MATN2: variants seen among roughly 807,000 people sequenced by gnomAD.
MATN2 encodes the protein matrilin-2.
In MATN2, 69 loss-of-function variants were observed where a neutral mutation model predicts 103.2. That is an observed-to-expected ratio of 0.67 (90% CI 0.55 to 0.82). MATN2 has a LOEUF of 0.82. Among genes scored for constraint, MATN2 ranks in the 40% least tolerant of loss-of-function variants. MATN2 has a pLI of 0.00. For missense variants in MATN2, 1,023 were observed against 1,211.5 expected (o/e 0.84, Z 2.31); for synonymous variants, 429 against 450.2 (o/e 0.95, Z 0.60).
rs1818503617 is a variant in MATN2, at chr8:97,888,112, G to A, written c.12G>A (p.Met4Ile). Residue 4 changes from methionine (M) to isoleucine (I), a missense_variant, in exon 2 of 19, where the codon ATG becomes ATA. Physicochemically the swap from Met to Ile is conservative, Grantham distance 10 (BLOSUM62 1). Transcript: ENST00000254898. MEKMLAGCFLLILG... is the reference protein window; with the variant it reads MEKILAGCFLLILG... ...TGCTCGCCTTGAAAATGGAAAAGAT[G>A]CTCGCAGGCTGCTTTCTGCTGATCC... The A allele has an allele frequency of 6.2e-7, 1 of 1,607,842 alleles. No individual in the cohort carries two copies. Among genetic ancestry groups the A allele is most frequent in the South Asian group, 1.1e-5 (1 of 89,906 alleles).
chr8:97,894,323 CTTTTT>C (rs58988866), intron 2 of MATN2, among the ~76,000 whole-genome samples: 2 of 59,236 alleles, frequency 3.4e-5, no homozygotes, highest in Admixed American at 2.3e-4. Context: ...AAGAATTCAC[CTTTTT>C]TTTTTTTTTT....
chr8:97,995,758 T>C (rs1399660858), intron 7 of MATN2, among the ~76,000 whole-genome samples: 2 of 152,252 alleles, frequency 1.3e-5, no homozygotes, highest in Non-Finnish European at 2.9e-5. Flanking sequence ...AGTGCTAAAC[T>C]GTGTATAGTG....
chr8:98,033,518 C>A, intron 17 of MATN2, 43 bp from the exon 18 acceptor site: 1 of 1,042,762 alleles, frequency 9.6e-7, no homozygotes, highest in South Asian at 1.6e-5. Flanking sequence ...TCTGGGAAGT[C>A]TGGTGGATTC....
chr8:98,025,821 C>A, intron 13 of MATN2: 2 of 386,954 alleles, frequency 5.2e-6, no homozygotes, highest in Admixed American at 3.5e-5. Context: ...AACAAAAAGC[C>A]TCTCCACACC....
chr8:97,984,594 A>G (rs1812132705), intron 6 of MATN2, among the ~76,000 whole-genome samples: 1 of 152,228 alleles, frequency 6.6e-6, no homozygotes, highest in Non-Finnish European at 1.5e-5. Context: ...TGCTGGGAAG[A>G]AGCCTTATGG....
intron 10 of MATN2, among the ~76,000 whole-genome samples, chr8:98,014,747 T>C (rs186067406): frequency 7.9e-5 from 12 of 152,312 alleles, no homozygotes; most frequent in Admixed American, 7.8e-4. Context: ...TGAGTGAGAA[T>C]AACAACAGCT....
chr8:97,874,625 G>A (rs1818005536), intron 1 of MATN2, among the ~76,000 whole-genome samples: 4 of 151,464 alleles, frequency 2.6e-5, no homozygotes, highest in East Asian at 1.9e-4. Flanking sequence ...TATCTTGCCC[G>A]GCTGATCTTC....
At chr8:98,025,747 A>G (rs1345397802) in intron 13 of MATN2, 2 of 445,036 alleles carry the variant, frequency 4.5e-6, no homozygotes, top group South Asian at 1.6e-5. Context: ...CTCTGTCTCA[A>G]AAAAGAAGAA....
Position 98,033,661 on chromosome 8 carries a change from T to C in MATN2, c.2815+2T>C, listed in dbSNP as rs1302897211. On this transcript the variant is annotated splice_donor_variant, in intron 18 of 18. Transcript: ENST00000254898. LOFTEE classifies it high-confidence loss of function. Reference sequence around the variant, plus strand: ...AAGTAAGAAAATTAACACAGCGCTATATCCTTTTCTTGCATTATGCTTCTG... The same window carrying C: ...AAGTAAGAAAATTAACACAGCGCTACATCCTTTTCTTGCATTATGCTTCTG... The C allele has an allele frequency of 1.3e-6, 2 of 1,494,270 alleles. No homozygotes were observed. Among genetic ancestry groups the C allele is most frequent in the Admixed American group, 3.5e-5 (2 of 57,178 alleles). 92.6% of individuals were successfully genotyped at this position (1,494,270 alleles called of 1,614,324 possible).
chr8:97,954,053 A>C (rs1811057690), intron 4 of MATN2, among the ~76,000 whole-genome samples: 1 of 152,198 alleles, frequency 6.6e-6, no homozygotes, highest in Non-Finnish European at 1.5e-5. Flanking sequence ...CCCTACAAAT[A>C]AGATATTTAA....
In MATN2 at chr8:98,035,761, T is replaced by A. The variant is rs1814224367; in HGVS notation, c.*49T>A. ...GTAGTCATTGTATCACGGATTACAA[T>A]GAACGCAGTGCAGAGCCCCAAAGCT... On this transcript the variant is annotated 3_prime_UTR_variant, in exon 19 of 19. Coordinates refer to ENST00000254898, the MANE Select transcript of MATN2 (RefSeq NM_002380.5). 7.9e-7 allele frequency: 1 copy of A among 1,262,720 alleles called. No individual in the cohort carries two copies. Among genetic ancestry groups the A allele is most frequent in the Non-Finnish European group, 1.1e-6 (1 of 882,902 alleles). 78.2% of individuals were successfully genotyped at this position (1,262,720 alleles called of 1,614,324 possible).
intron 2 of MATN2, among the ~76,000 whole-genome samples, chr8:97,916,259 G>A (rs775573759): frequency 4.6e-4 from 70 of 152,020 alleles, no homozygotes; most frequent in Non-Finnish European, 7.2e-4. Flanking sequence ...TAGTAGAGAC[G>A]GGGTTTCGCC....
At chr8:97,990,202 A>AG (rs1812346745) in intron 6 of MATN2, among the ~76,000 whole-genome samples, 1 of 151,064 alleles carries the variant, frequency 6.6e-6, no homozygotes, top group African/African-American at 2.4e-5. Context: ...AAAAAAAAAA[A>AG]GACAAGCCAC....
chr8:98,012,730 C>G (rs1586156386), intron 10 of MATN2, among the ~76,000 whole-genome samples: 1 of 152,284 alleles, frequency 6.6e-6, no homozygotes, highest in Non-Finnish European at 1.5e-5. Context: ...CTCCCTTAAG[C>G]TAGGATGATC....
intron 12 of MATN2, among the ~76,000 whole-genome samples, chr8:98,019,017 C>G (rs1453367822): frequency 6.7e-6 from 1 of 149,444 alleles, no homozygotes; most frequent in African/African-American, 2.5e-5. Flanking sequence ...TCTTCATCTT[C>G]TATTATATAT....
At chr8:98,011,960 C>T (rs183549256) in intron 10 of MATN2, among the ~76,000 whole-genome samples, 19 of 152,282 alleles carry the variant, frequency 1.2e-4, no homozygotes, top group Admixed American at 4.6e-4. Context: ...AATCCATTCA[C>T]GATGAGGGTT....
In MATN2 at chr8:98,033,414, C is replaced by T. The variant is rs1459528213; in HGVS notation, c.2717-147C>T. ...GTGTTGGAAGCATATACAGTGCTTT[C>T]CTGGTATTTACTGGATCTGGCTGCA... On this transcript the variant is annotated intron_variant, in intron 17 of 18. Coordinates refer to ENST00000254898, the MANE Select transcript of MATN2 (RefSeq NM_002380.5). The T allele has an allele frequency of 7.8e-6, 5 of 641,532 alleles. No homozygotes were observed. In the African/African-American group the frequency reaches 9.2e-5, roughly 12 times the overall value. 39.7% of individuals were successfully genotyped at this position (641,532 alleles called of 1,614,324 possible).
At chr8:97,988,171 A>AAAAAAAT (rs1252963740) in intron 6 of MATN2, among the ~76,000 whole-genome samples, 1 of 46,118 alleles carries the variant, frequency 2.2e-5, no homozygotes, top group African/African-American at 1.3e-4. Context: ...AAAAAAAAAA[A>AAAAAAAT]ATATATATAT....
Position 98,007,173 on chromosome 8 carries a change from G to A in MATN2, c.1396G>A (p.Val466Ile), listed in dbSNP as rs377254481. Residue 466 changes from valine (V) to isoleucine (I), a missense_variant, in exon 9 of 19, where the codon GTC becomes ATC. By Grantham distance (29) the Val-to-Ile change is conservative. Transcript: ENST00000254898. The surrounding 1 kb of genome is among the most constrained non-coding windows in gnomAD (Gnocchi z 4.2). ...GTGTCTGAACACGGAGGATTCCTTCGTCTGCCAGTGCTCAGAAGGCTTCCT... is the reference window on the plus strand; with the variant it reads ...GTGTCTGAACACGGAGGATTCCTTCATCTGCCAGTGCTCAGAAGGCTTCCT... ...QLCLNTEDSF[V>I]CQCSEGFLIN... 57 of 1,613,662 alleles carry A rather than the reference G, an allele frequency of 3.5e-5. No individual in the cohort carries two copies. Among genetic ancestry groups the A allele is most frequent in the South Asian group, 1.3e-4 (12 of 91,044 alleles).
Sources: gnomAD v4.1 joint callset for allele counts (sites outside exome capture counted in the v4.1 genomes callset) on GRCh38, gnomAD v4.1.1 for gene constraint, Gnocchi (gnomAD v3.1) non-coding constraint, MANE v1.5 for transcripts, NCBI Gene and HGNC (gene_info 2026-07-23, HGNC 2026-07-21) for gene names.